CACNA1D: variants seen among roughly 807,000 people sequenced by gnomAD.
CACNA1D encodes the protein calcium voltage-gated channel subunit alpha1 D, also known as voltage-dependent L-type calcium channel subunit alpha-1D.
A neutral mutation model predicts 257.1 loss-of-function variants in CACNA1D; 55 were observed. The ratio of observed to expected loss-of-function variants is 0.21; its 90% CI spans 0.17 to 0.27. The LOEUF (loss-of-function observed/expected upper bound fraction) is 0.27, where lower values mean the gene tolerates loss of function less well. CACNA1D is among the 10% of genes least tolerant of loss of function. The pLI is 1.00. For synonymous variants in CACNA1D, 980 were observed against 1,014.9 expected (o/e 0.97, Z 0.65); for missense variants, 1,876 against 2,784.0 (o/e 0.67, Z 7.34).
intron 8 of CACNA1D, among the ~76,000 whole-genome samples, chr3:53,699,417 A>G (rs2094600241): frequency 6.6e-6 from 1 of 152,212 alleles, no homozygotes; most frequent in African/African-American, 2.4e-5. Context: ...TCAAAGCCTT[A>G]CTGAATGTCT....
Position 53,717,832 on chromosome 3 carries a change from A to G in CACNA1D, c.1391-469A>G, listed in dbSNP as rs548544762. On this transcript the variant is annotated intron_variant, in intron 9 of 47. Transcript: ENST00000350061. ...CCTTCATGCACTGCCTTCCCCATTC[A>G]CAATAGCTCTTCTCCCTCAGTATAT... 8.5e-5 allele frequency among the ~76,000 whole-genome samples: 13 copies of G among 152,300 alleles called. No homozygotes were observed. The South Asian group carries it at 2.7e-3, about 32-fold the overall frequency.
At chr3:53,586,644 T>G (rs2093222563) in intron 3 of CACNA1D, among the ~76,000 whole-genome samples, 1 of 152,172 alleles carries the variant, frequency 6.6e-6, no homozygotes, top group Non-Finnish European at 1.5e-5. Flanking sequence ...TTCAAACATT[T>G]TAGACTATCT....
chr3:53,611,182 C>A (rs547574296), intron 3 of CACNA1D, among the ~76,000 whole-genome samples: 2 of 152,230 alleles, frequency 1.3e-5, no homozygotes, highest in East Asian at 3.9e-4. Context: ...AGCTCAAGAC[C>A]AGCCTAGCAC....
chr3:53,703,141 A>G (rs1353705521), intron 9 of CACNA1D, among the ~76,000 whole-genome samples: 3 of 152,250 alleles, frequency 2.0e-5, no homozygotes, highest in Non-Finnish European at 2.9e-5. Flanking sequence ...CTTGTACCAC[A>G]GGAGAAGAAG....
intron 3 of CACNA1D, among the ~76,000 whole-genome samples, chr3:53,516,044 C>T (rs189613569): frequency 6.6e-6 from 1 of 152,308 alleles, no homozygotes; most frequent in East Asian, 1.9e-4. Flanking sequence ...AATGATCTCA[C>T]CTCCCTTGGT....
chr3:53,580,681 A>G (rs994104799), intron 3 of CACNA1D, among the ~76,000 whole-genome samples: 1 of 152,240 alleles, frequency 6.6e-6, no homozygotes. Context: ...GGCGGAGACC[A>G]TGACCTATTT....
intron 3 of CACNA1D, among the ~76,000 whole-genome samples, chr3:53,597,483 C>T (rs1416845187): frequency 6.6e-6 from 1 of 152,204 alleles, no homozygotes; most frequent in African/African-American, 2.4e-5. Context: ...ATCCTTTTCT[C>T]AGGCTAGTAG....
intron 9 of CACNA1D, among the ~76,000 whole-genome samples, chr3:53,704,694 A>G (rs2094667669): frequency 6.6e-6 from 1 of 152,134 alleles, no homozygotes; most frequent in South Asian, 2.1e-4. Context: ...GCAAACTGTA[A>G]CTCAGATGCT....
In CACNA1D at chr3:53,723,724, C is replaced by T. The variant is rs907131846; in HGVS notation, c.1892+65C>T. On this transcript the variant is annotated intron_variant, in intron 13 of 47. Transcript: ENST00000350061. This position sits in a 1 kb window ranked among gnomAD's most constrained non-coding sequence, Gnocchi z 5.6. ...ATGAGGCGGCAACCAGTCACATCCC[C>T]GGGCAGGTGATGTTCTGCTCTGTCC... 18 of 1,587,030 alleles carry T rather than the reference C, an allele frequency of 1.1e-5. No homozygotes were observed. Among genetic ancestry groups the T allele is most frequent in the African/African-American group, 2.7e-5 (2 of 74,324 alleles).
At position 53,751,808 on chromosome 3, in the gene CACNA1D, C is replaced by T; in HGVS notation, c.3576C>T (p.Asn1192=). ...CCTTGCGGAGATACATCCCCAAAAA[C>T]CCCTACCAGTACAAGTTCTGGTACG... ...ARPLRRYIPK[N]PYQYKFWYVV... The change falls in exon 28 of 48, where the codon AAC becomes AAT. Residue 1192 remains asparagine (N), a synonymous_variant. Coordinates refer to ENST00000350061, the MANE Select transcript of CACNA1D (RefSeq NM_001128840.3). This position sits in a 1 kb window ranked among gnomAD's most constrained non-coding sequence, Gnocchi z 4.3. The T allele has an allele frequency of 6.2e-7, 1 of 1,614,136 alleles. No individual in the cohort carries two copies. The highest frequency in any genetic ancestry group is 8.5e-7 in the Non-Finnish European group (1 of 1,179,980).
rs2095603944 is a variant in CACNA1D, at chr3:53,812,315, C to G, written c.*909C>G. 1 of 152,140 alleles carries G rather than the reference C, an allele frequency of 6.6e-6. No homozygotes were observed. 9.4% of individuals were successfully genotyped at this position (152,140 alleles called of 1,614,324 possible). On this transcript the variant is annotated 3_prime_UTR_variant, in exon 48 of 48. Transcript: ENST00000350061. ...GAAATTATTAGTATTTTTACTCGGGCTATCCAGAAGTAGAAGAAATAGAGC... is the reference window on the plus strand; with the variant it reads ...GAAATTATTAGTATTTTTACTCGGGGTATCCAGAAGTAGAAGAAATAGAGC...
At chr3:53,660,970 G>T (rs1319230567) in intron 5 of CACNA1D, among the ~76,000 whole-genome samples, 3 of 152,240 alleles carry the variant, frequency 2.0e-5, no homozygotes, top group African/African-American at 4.8e-5. Flanking sequence ...CCAGGCCCCA[G>T]TGTGCTTCTG....
chr3:53,684,119 A>G (rs1253647534), intron 8 of CACNA1D, among the ~76,000 whole-genome samples: 1 of 150,874 alleles, frequency 6.6e-6, no homozygotes, highest in Non-Finnish European at 1.5e-5. Flanking sequence ...TTGTAGGGCA[A>G]TGGGTGACAT....
intron 3 of CACNA1D, among the ~76,000 whole-genome samples, chr3:53,582,935 C>A (rs2093156463): frequency 6.6e-6 from 1 of 152,104 alleles, no homozygotes; most frequent in African/African-American, 2.4e-5. Flanking sequence ...TCTCTGTTAC[C>A]CTTGAAAGTG....
chr3:53,585,292 C>T (rs1426855451), intron 3 of CACNA1D, among the ~76,000 whole-genome samples: 1 of 152,106 alleles, frequency 6.6e-6, no homozygotes, highest in African/African-American at 2.4e-5. Flanking sequence ...GAGGCAGATT[C>T]TTACTTAGGG....
chr3:53,691,090 C>G (rs1349586766), intron 8 of CACNA1D, among the ~76,000 whole-genome samples: 2 of 151,640 alleles, frequency 1.3e-5, no homozygotes, highest in Non-Finnish European at 2.9e-5. Context: ...ATTAAGTGAT[C>G]TGTTTCGTTC....
chr3:53,723,483 A>G lies in CACNA1D; in HGVS notation c.1716A>G (p.Val572=). ...CTCTGTTCACCTGCGAGATGCTGGT[A>G]AAAATGTACAGCTTGGGCCTCCAAG... The part of the protein sequence containing the change: ...LLALFTCEML[V]KMYSLGLQAY... The change falls in exon 13 of 48, where the codon GTA becomes GTG. Residue 572 remains valine (V), a synonymous_variant. Transcript: ENST00000350061. The surrounding 1 kb of genome is among the most constrained non-coding windows in gnomAD (Gnocchi z 5.6). 1 of 1,614,132 alleles carries G rather than the reference A, an allele frequency of 6.2e-7. No homozygotes were observed. Among genetic ancestry groups the G allele is most frequent in the Non-Finnish European group, 8.5e-7 (1 of 1,180,010 alleles).
chr3:53,745,169 T>C (rs1465989760), intron 23 of CACNA1D, among the ~76,000 whole-genome samples: 1 of 152,142 alleles, frequency 6.6e-6, no homozygotes, highest in African/African-American at 2.4e-5. Flanking sequence ...GTTTCTGTTT[T>C]CCTGAGTCAT....
intron 2 of CACNA1D, among the ~76,000 whole-genome samples, chr3:53,498,391 G>A (rs1575674698): frequency 6.6e-6 from 1 of 152,130 alleles, no homozygotes; most frequent in South Asian, 2.1e-4. Flanking sequence ...CCTAAATCTG[G>A]AGGCCAACCT....
Sources: allele counts gnomAD v4.1 joint callset (sites outside exome capture counted in the v4.1 genomes callset), GRCh38; gene constraint gnomAD v4.1.1; non-coding constraint Gnocchi (gnomAD v3.1); transcripts MANE v1.5; gene names NCBI Gene and HGNC (gene_info 2026-07-23, HGNC 2026-07-21).